NRG1: variants seen among roughly 807,000 people sequenced by gnomAD.
NRG1 encodes pro-neuregulin-1, membrane-bound isoform.
NRG1 carries 18 observed loss-of-function variants against 63.8 expected under a neutral mutation model. The ratio of observed to expected loss-of-function variants is 0.28; its 90% CI spans 0.19 to 0.42. The LOEUF is 0.42. Among genes scored for constraint, NRG1 ranks in the 10% least tolerant of loss-of-function variants. The pLI is 1.00. For missense variants in NRG1, 762 were observed against 814.7 expected (o/e 0.94, Z 0.79); for synonymous variants, 302 against 301.3 (o/e 1.00, Z -0.02).
At chr8:31,878,377 C>T (rs1277803331) in intron 1 of NRG1, among the ~76,000 whole-genome samples, 1 of 151,940 alleles carries the variant, frequency 6.6e-6, no homozygotes, top group Non-Finnish European at 1.5e-5. Flanking sequence ...CTTATTATGT[C>T]TATGATAATG....
chr8:32,566,492 G>A (rs1190309556), intron 1 of NRG1, among the ~76,000 whole-genome samples: 1 of 152,096 alleles, frequency 6.6e-6, no homozygotes, highest in Admixed American at 6.5e-5. Context: ...CCCACTTCAG[G>A]AAGATCCTGG....
intron 5 of NRG1, among the ~76,000 whole-genome samples, chr8:32,672,668 A>G (rs1805994655): frequency 6.6e-6 from 1 of 152,184 alleles, no homozygotes; most frequent in South Asian, 2.1e-4. Flanking sequence ...TAATTAGAAA[A>G]TGTTTCTTTC....
In NRG1 at chr8:32,742,771, G is replaced by A. The variant is rs201691520; in HGVS notation, c.691+38G>A. ...CCTTTCTGTCTCTGCCTGAATAGGA[G>A]CATGCTCAGTTGGTGCTGCTTTCTT... On this transcript the variant is annotated intron_variant, in intron 7 of 11. Coordinates refer to ENST00000356819, the Ensembl canonical transcript of NRG1. This position sits in a 1 kb window ranked among gnomAD's most constrained non-coding sequence, Gnocchi z 4.2. 2 of 1,613,576 alleles carry A rather than the reference G, an allele frequency of 1.2e-6. No homozygotes were observed. Among genetic ancestry groups the A allele is most frequent in the Non-Finnish European group, 1.7e-6 (2 of 1,179,636 alleles).
At chr8:32,714,564 G>A (rs1430053947) in intron 5 of NRG1, among the ~76,000 whole-genome samples, 1 of 152,208 alleles carries the variant, frequency 6.6e-6, no homozygotes, top group East Asian at 1.9e-4. Flanking sequence ...TTTCCTGGCT[G>A]TAGGAAAAGA....
At chr8:32,152,102 A>T in intron 1 of NRG1, among the ~76,000 whole-genome samples, 1 of 152,366 alleles carries the variant, frequency 6.6e-6, no homozygotes, top group Non-Finnish European at 1.5e-5. Flanking sequence ...TGCCTTAGCA[A>T]TCTTAAGTGT....
At chr8:32,303,048 G>A (rs1396838784) in intron 1 of NRG1, among the ~76,000 whole-genome samples, 4 of 151,902 alleles carry the variant, frequency 2.6e-5, no homozygotes, top group African/African-American at 9.7e-5. Context: ...CGGGCGTGGT[G>A]GCTGATGCCT....
chr8:32,624,728 G>A (rs1056901690), intron 5 of NRG1, among the ~76,000 whole-genome samples: 5 of 152,122 alleles, frequency 3.3e-5, no homozygotes, highest in South Asian at 2.1e-4. Flanking sequence ...TTGAAAGAAA[G>A]TAGAAAAACG....
chr8:32,373,484 C>T (rs1041159688), intron 1 of NRG1, among the ~76,000 whole-genome samples: 9 of 151,998 alleles, frequency 5.9e-5, no homozygotes, highest in African/African-American at 1.9e-4. Flanking sequence ...ATCTCTACAA[C>T]GAGAAAAATG....
intron 1 of NRG1, among the ~76,000 whole-genome samples, chr8:31,655,957 A>C (rs747141803): frequency 1.3e-5 from 2 of 152,184 alleles, no homozygotes; most frequent in Non-Finnish European, 2.9e-5. Flanking sequence ...ACTGCAGGAG[A>C]AGAAGCCCTT....
chr8:32,153,853 T>G (rs1346971403), intron 1 of NRG1, among the ~76,000 whole-genome samples: 2 of 152,116 alleles, frequency 1.3e-5, no homozygotes, highest in Admixed American at 1.3e-4. Context: ...AAAAAACCAT[T>G]GGTGGTCTGA....
At chr8:31,653,284 T>C (rs917205780) in intron 1 of NRG1, among the ~76,000 whole-genome samples, 14 of 152,042 alleles carry the variant, frequency 9.2e-5, no homozygotes, top group Non-Finnish European at 1.3e-4. Context: ...CTTACTTATC[T>C]TTGTCTTTTT....
At chr8:32,480,328 C>G (rs1825092551) in intron 1 of NRG1, among the ~76,000 whole-genome samples, 1 of 151,458 alleles carries the variant, frequency 6.6e-6, no homozygotes, top group Non-Finnish European at 1.5e-5. Context: ...GAAATGCTGT[C>G]AAAGGATCCA....
intron 1 of NRG1, among the ~76,000 whole-genome samples, chr8:32,095,149 AT>A (rs200443852): frequency 0.011 from 1,624 of 152,226 alleles, 37 homozygotes; most frequent in African/African-American, 0.037. Context: ...TGACCTCGTG[AT>A]CCACCTGCCT....
At chr8:32,737,896 C>T (rs569666394) in intron 6 of NRG1, among the ~76,000 whole-genome samples, 71 of 152,122 alleles carry the variant, frequency 4.7e-4, no homozygotes, top group African/African-American at 1.5e-3. Context: ...TTGTCCTGAA[C>T]TCCTGGCCTC....
At chr8:32,544,483 A>C (rs1164322714), upstream of NRG1, among the ~76,000 whole-genome samples, 1 of 133,546 alleles carries the variant, frequency 7.5e-6, no homozygotes, top group African/African-American at 3.1e-5. Flanking sequence ...TTATTTATTT[A>C]TTTATTTATT....
chr8:31,913,464 G>A (rs935081066), intron 1 of NRG1, among the ~76,000 whole-genome samples: 16 of 152,108 alleles, frequency 1.1e-4, no homozygotes, highest in African/African-American at 3.6e-4. Flanking sequence ...TAGAGAAGTT[G>A]AGGAGTTCGT....
intron 7 of NRG1, among the ~76,000 whole-genome samples, chr8:32,753,500 C>T (rs967147883): frequency 1.3e-5 from 2 of 152,190 alleles, no homozygotes; most frequent in Admixed American, 6.5e-5. Context: ...AGTTGGCCAA[C>T]GTAGGAATGT....
chr8:32,443,164 C>T (rs1459872131), intron 1 of NRG1, among the ~76,000 whole-genome samples: 1 of 152,010 alleles, frequency 6.6e-6, no homozygotes, highest in African/African-American at 2.4e-5. Flanking sequence ...AACTCTCAAA[C>T]TTCCTGGTCT....
intron 1 of NRG1, among the ~76,000 whole-genome samples, chr8:32,574,791 C>G (rs1839302489): frequency 6.6e-6 from 1 of 152,162 alleles, no homozygotes; most frequent in Non-Finnish European, 1.5e-5. Context: ...TACCCAGTCT[C>G]AGTTATTTTT....
Sources: allele counts gnomAD v4.1 joint callset (sites outside exome capture counted in the v4.1 genomes callset), GRCh38; gene constraint gnomAD v4.1.1; non-coding constraint Gnocchi (gnomAD v3.1); transcripts MANE v1.5; gene names NCBI Gene and HGNC (gene_info 2026-07-23, HGNC 2026-07-21).